Variants in RIT2 observed in about 807,000 individuals in gnomAD.
RIT2 encodes Ras like without CAAX 2, also known as GTP-binding protein Rit2.
A neutral mutation model predicts 23.7 loss-of-function variants in RIT2; 24 were observed. The ratio of observed to expected loss-of-function variants is 1.01; its 90% CI spans 0.73 to 1.43. RIT2 has a LOEUF of 1.43. Ranked by LOEUF, RIT2 falls within the 40% of genes most tolerant of loss-of-function variation. The probability of loss-of-function intolerance (pLI) is 0.00; values close to 1 mark genes in which losing one functional copy is unlikely to be tolerated. For missense variants in RIT2, 236 were observed against 266.9 expected (o/e 0.88, Z 0.81); for synonymous variants, 107 against 91.1 (o/e 1.17, Z -0.99).
rs562503870 is a variant in RIT2, at chr18:42,800,004, G to A, written c.427-56284C>T. 1.2e-4 allele frequency among the ~76,000 whole-genome samples: 19 copies of A among 152,080 alleles called. No homozygotes were observed. The East Asian group carries it at 2.7e-3, about 22-fold the overall frequency. On this transcript the variant is annotated intron_variant, in intron 4 of 4. Transcript: ENST00000326695. ...ATATCTTTCCCTCCACGAAGCTATCGGCTCCATAAAGTTACAGAATGTTCC... is the reference window on the plus strand; with the variant it reads ...ATATCTTTCCCTCCACGAAGCTATCAGCTCCATAAAGTTACAGAATGTTCC...
At chr18:43,002,721 C>T (rs1357796822) in intron 2 of RIT2, among the ~76,000 whole-genome samples, 11 of 151,890 alleles carry the variant, frequency 7.2e-5, no homozygotes, top group East Asian at 3.9e-4. Flanking sequence ...CACCTGTTGT[C>T]GGAGGAATAC....
intron 1 of RIT2, among the ~76,000 whole-genome samples, chr18:43,052,605 A>G (rs1194724121): frequency 6.6e-6 from 1 of 152,024 alleles, no homozygotes; most frequent in African/African-American, 2.4e-5. Context: ...GGGGCTGGTG[A>G]TTTATCAAAC....
intron 4 of RIT2, among the ~76,000 whole-genome samples, chr18:42,897,977 C>T (rs1256367790): frequency 1.3e-5 from 2 of 152,078 alleles, no homozygotes; most frequent in Non-Finnish European, 2.9e-5. Context: ...TAATCGTGGG[C>T]AAAAGATGGA....
intron 3 of RIT2, among the ~76,000 whole-genome samples, chr18:42,967,704 A>C (rs907710355): frequency 2.0e-5 from 3 of 151,280 alleles, no homozygotes; most frequent in Non-Finnish European, 4.4e-5. Flanking sequence ...AGTTTTTTCT[A>C]AAATTTCATA....
intron 1 of RIT2, among the ~76,000 whole-genome samples, chr18:43,113,097 T>C (rs1456995007): frequency 6.6e-6 from 1 of 152,166 alleles, no homozygotes; most frequent in African/African-American, 2.4e-5. Context: ...ATAAACCATG[T>C]ATATTTTTAG....
At chr18:42,759,792 T>C (rs995889566) in intron 4 of RIT2, among the ~76,000 whole-genome samples, 1 of 151,098 alleles carries the variant, frequency 6.6e-6, no homozygotes, top group Non-Finnish European at 1.5e-5. Context: ...AATTTTTTTT[T>C]CAAGCCCGAG....
intron 4 of RIT2, among the ~76,000 whole-genome samples, chr18:42,801,350 A>G (rs958023646): frequency 2.0e-5 from 3 of 152,196 alleles, no homozygotes; most frequent in African/African-American, 7.2e-5. Context: ...CATGTATTCT[A>G]TTGGATTAAC....
At chr18:42,781,046 T>A (rs537025907) in intron 4 of RIT2, among the ~76,000 whole-genome samples, 2 of 152,134 alleles carry the variant, frequency 1.3e-5, no homozygotes, top group African/African-American at 4.8e-5. Context: ...TTAAGCACTA[T>A]ACTTTACTGC....
In RIT2 at chr18:43,033,886, A is replaced by G. The variant is rs1190481705; in HGVS notation, c.104-19T>C. 1.3e-6 allele frequency: 2 copies of G among 1,545,450 alleles called. No individual in the cohort carries two copies. Among genetic ancestry groups the G allele is most frequent in the Non-Finnish European group, 1.8e-6 (2 of 1,124,316 alleles). ...GTCATTGCTGAAAGAAAAAAAACACATTTTGTTTAATAAAAATTCACTAAT... is the reference window on the plus strand; with the variant it reads ...GTCATTGCTGAAAGAAAAAAAACACGTTTTGTTTAATAAAAATTCACTAAT... On this transcript the variant is annotated intron_variant, in intron 1 of 4. Coordinates refer to ENST00000326695, the MANE Select transcript of RIT2 (RefSeq NM_002930.4).
intron 4 of RIT2, among the ~76,000 whole-genome samples, chr18:42,902,236 C>A (rs540596): frequency 0.92 from 140,381 of 151,766 alleles, 64,962 homozygotes; most frequent in East Asian, 1. Flanking sequence ...GGGGATTCTC[C>A]GTAAGTTTAC....
chr18:42,805,581 A>T (rs899813648), intron 4 of RIT2, among the ~76,000 whole-genome samples: 14 of 152,150 alleles, frequency 9.2e-5, no homozygotes, highest in South Asian at 2.1e-4. Flanking sequence ...TGAATCTTGT[A>T]CTCATGCCTG....
At chr18:42,791,027 G>T (rs774163865) in intron 4 of RIT2, among the ~76,000 whole-genome samples, 3 of 152,054 alleles carry the variant, frequency 2.0e-5, no homozygotes, top group South Asian at 2.1e-4. Flanking sequence ...TGGCCTAAGG[G>T]TTTCCTCCCT....
At chr18:42,746,195 A>G (rs1912912970) in intron 4 of RIT2, among the ~76,000 whole-genome samples, 1 of 152,142 alleles carries the variant, frequency 6.6e-6, no homozygotes, top group Non-Finnish European at 1.5e-5. Flanking sequence ...CCCAAATGAC[A>G]CATGGAGAAA....
At chr18:42,924,318 G>A (rs1909129347) in intron 3 of RIT2, among the ~76,000 whole-genome samples, 2 of 152,228 alleles carry the variant, frequency 1.3e-5, no homozygotes, top group South Asian at 4.1e-4. Flanking sequence ...AAAGTTATTA[G>A]CATTGATAAT....
In RIT2 at chr18:43,020,914, G is replaced by A. The variant is rs111844414; in HGVS notation, c.160+12897C>T. Among the ~76,000 whole-genome samples, 885 of 152,042 alleles carry A rather than the reference G, an allele frequency of 5.8e-3. 12 individuals are homozygous for A. Among genetic ancestry groups the A allele is most frequent in the African/African-American group, 0.02 (843 of 41,486 alleles). ...GATCTGAAACTATAAAACTACTACA[G>A]GAAAACATAAGAGAAACACTCCAGG... On this transcript the variant is annotated intron_variant, in intron 2 of 4. Coordinates refer to ENST00000326695, the MANE Select transcript of RIT2 (RefSeq NM_002930.4).
intron 2 of RIT2, among the ~76,000 whole-genome samples, chr18:42,982,256 A>G (rs1910614696): frequency 6.6e-6 from 1 of 152,140 alleles, no homozygotes; most frequent in Non-Finnish European, 1.5e-5. Flanking sequence ...AGCGCAGCAG[A>G]GGAAAAGTCT....
chr18:43,001,361 G>C (rs1911103312), intron 2 of RIT2, among the ~76,000 whole-genome samples: 1 of 151,960 alleles, frequency 6.6e-6, no homozygotes, highest in Admixed American at 6.6e-5. Flanking sequence ...AAAGTATTTG[G>C]TGAAATTTCA....
chr18:42,795,661 C>T lies in RIT2; in HGVS notation c.427-51941G>A, dbSNP rs577348423. Among the ~76,000 whole-genome samples, 15 of 152,352 alleles carry T rather than the reference C, an allele frequency of 9.8e-5. No homozygotes were observed. In the East Asian group the frequency reaches 2.3e-3, roughly 24 times the overall value. On this transcript the variant is annotated intron_variant, in intron 4 of 4. Coordinates refer to ENST00000326695, the MANE Select transcript of RIT2 (RefSeq NM_002930.4). ...GGCAGCTCCACCTGCAGCCCGGGTG[C>T]GGGATCCACTGGGTGAAGCCAGCTG...
At chr18:42,910,825 C>A (rs186847727) in intron 4 of RIT2, among the ~76,000 whole-genome samples, 4 of 151,938 alleles carry the variant, frequency 2.6e-5, no homozygotes, top group Non-Finnish European at 5.9e-5. Flanking sequence ...GAGCAAAAAC[C>A]GATAGAGCAG....
Sources: allele counts gnomAD v4.1 joint callset (sites outside exome capture counted in the v4.1 genomes callset), GRCh38; gene constraint gnomAD v4.1.1; transcripts MANE v1.5; gene names NCBI Gene and HGNC (gene_info 2026-07-23, HGNC 2026-07-21).